The following ANKS1B variants were observed in gnomAD, a reference collection of about 807,000 sequenced individuals.
The protein encoded by ANKS1B is ankyrin repeat and sterile alpha motif domain containing 1B.
A neutral mutation model predicts 148.3 loss-of-function variants in ANKS1B; 36 were observed. The ratio of observed to expected loss-of-function variants is 0.24; its 90% CI spans 0.19 to 0.32. The LOEUF is 0.32. ANKS1B is among the 10% of genes least tolerant of loss of function. The pLI is 1.00. For synonymous variants in ANKS1B, 542 were observed against 560.8 expected, an observed-to-expected ratio of 0.97 and a Z score of 0.47; for missense variants, 1,157 against 1,542.6, an observed-to-expected ratio of 0.75 and a Z score of 4.19.
intron 12 of ANKS1B, among the ~76,000 whole-genome samples, chr12:99,368,760 C>T (rs1011185329): frequency 6.6e-6 from 1 of 151,970 alleles, no homozygotes; most frequent in Non-Finnish European, 1.5e-5. Flanking sequence ...GAGAGACACA[C>T]GACTATCAAA....
intron 9 of ANKS1B, among the ~76,000 whole-genome samples, chr12:99,612,685 T>G (rs2153348622): frequency 1.3e-5 from 2 of 152,272 alleles, no homozygotes; most frequent in Non-Finnish European, 2.9e-5. Flanking sequence ...CTCTTTCATT[T>G]ACAAGTTTGC....
intron 1 of ANKS1B, among the ~76,000 whole-genome samples, chr12:99,862,565 A>T (rs2090176722): frequency 6.6e-6 from 1 of 152,252 alleles, no homozygotes; most frequent in African/African-American, 2.4e-5. Context: ...TATGATGCTG[A>T]TGAGCGCAGC....
chr12:98,900,007 T>C (rs1292011246), intron 17 of ANKS1B, among the ~76,000 whole-genome samples: 2 of 152,146 alleles, frequency 1.3e-5, no homozygotes, highest in African/African-American at 4.8e-5. Context: ...AAAGTGCCAA[T>C]GGGTTGATTA....
intron 17 of ANKS1B, among the ~76,000 whole-genome samples, chr12:98,902,998 A>AT (rs1488304447): frequency 1.3e-5 from 2 of 151,952 alleles, no homozygotes; most frequent in Admixed American, 6.6e-5. Flanking sequence ...AAATGATTTT[A>AT]TTTTTTTCTC....
At chr12:98,895,311 C>T (rs968299627) in intron 17 of ANKS1B, 38 of 985,162 alleles carry the variant, frequency 3.9e-5, no homozygotes, top group Non-Finnish European at 4.2e-5. Context: ...GCTCCTCCGC[C>T]GCCCCCTCCG....
chr12:99,955,874 G>A (rs889293256), intron 1 of ANKS1B, among the ~76,000 whole-genome samples: 4 of 152,076 alleles, frequency 2.6e-5, no homozygotes, highest in African/African-American at 9.7e-5. Context: ...TCTGTAATTA[G>A]ACTAATTACA....
intron 17 of ANKS1B, among the ~76,000 whole-genome samples, chr12:98,882,736 C>T (rs1180377951): frequency 6.9e-6 from 1 of 144,682 alleles, no homozygotes. Context: ...AGCAACTGGG[C>T]AAGTAACTGC....
intron 9 of ANKS1B, among the ~76,000 whole-genome samples, chr12:99,640,731 G>A (rs758480851): frequency 2.0e-5 from 3 of 152,262 alleles, no homozygotes; most frequent in East Asian, 3.9e-4. Flanking sequence ...AAAAATGAAC[G>A]GATGAGTGGG....
chr12:99,565,462 A>G (rs879416143), intron 9 of ANKS1B, among the ~76,000 whole-genome samples: 1 of 152,200 alleles, frequency 6.6e-6, no homozygotes, highest in Non-Finnish European at 1.5e-5. Context: ...ATGGGGGAAA[A>G]TGAAAAGTAA....
intron 12 of ANKS1B, among the ~76,000 whole-genome samples, chr12:99,280,004 CA>C (rs1213390155): frequency 6.6e-6 from 1 of 151,142 alleles, no homozygotes; most frequent in Non-Finnish European, 1.5e-5. Context: ...GACCCTGTCT[CA>C]AAAAAATAAA....
intron 17 of ANKS1B, among the ~76,000 whole-genome samples, chr12:98,957,760 A>C (rs2099864933): frequency 6.6e-6 from 1 of 152,172 alleles, no homozygotes; most frequent in Non-Finnish European, 1.5e-5. Flanking sequence ...CACTTAGATT[A>C]ATATACATAG....
At chr12:98,826,742 G>T (rs971448170) in intron 19 of ANKS1B, among the ~76,000 whole-genome samples, 5 of 152,170 alleles carry the variant, frequency 3.3e-5, no homozygotes, top group African/African-American at 1.2e-4. Flanking sequence ...AGCTTCTTGG[G>T]AGAAACTCCT....
At chr12:99,661,455 A>G (rs1266867816) in intron 8 of ANKS1B, among the ~76,000 whole-genome samples, 1 of 152,194 alleles carries the variant, frequency 6.6e-6, no homozygotes, top group Non-Finnish European at 1.5e-5. Flanking sequence ...TTACAGAAGT[A>G]AATTCTCTTC....
chr12:99,360,761 C>T lies in ANKS1B; in HGVS notation c.1756+38870G>A, dbSNP rs189968981. ...AGCTGAACCTAGTCTGAGCCACTTGCAAACTTGTGGGCAAGAAATAAATCT... is the reference window on the plus strand; with the variant it reads ...AGCTGAACCTAGTCTGAGCCACTTGTAAACTTGTGGGCAAGAAATAAATCT... On this transcript the variant is annotated intron_variant, in intron 12 of 26. Transcript: ENST00000683438. Among the ~76,000 whole-genome samples the T allele has an allele frequency of 1.3e-3, 199 of 152,248 alleles. 1 individual carries two copies. Among genetic ancestry groups the T allele is most frequent in the African/African-American group, 4.1e-3 (169 of 41,556 alleles).
intron 14 of ANKS1B, among the ~76,000 whole-genome samples, chr12:99,164,280 C>A (rs944698044): frequency 6.6e-6 from 1 of 152,102 alleles, no homozygotes; most frequent in Non-Finnish European, 1.5e-5. Flanking sequence ...TAGCCCAGAG[C>A]TGTAATATTT....
chr12:99,060,680 C>CACACACACACACACACAT (rs1249785625), intron 16 of ANKS1B, among the ~76,000 whole-genome samples: 6 of 99,406 alleles, frequency 6.0e-5, no homozygotes, highest in Non-Finnish European at 1.4e-4. Flanking sequence ...CACACACACA[C>CACACACACACACACACAT]ACACACACAC....
intron 17 of ANKS1B, among the ~76,000 whole-genome samples, chr12:98,886,938 G>A (rs1271423747): frequency 6.6e-6 from 1 of 152,190 alleles, no homozygotes; most frequent in East Asian, 1.9e-4. Flanking sequence ...GAATCCATGG[G>A]TCTTTCTCGA....
At chr12:98,762,221 C>G (rs1046458138) in intron 25 of ANKS1B, among the ~76,000 whole-genome samples, 2 of 152,190 alleles carry the variant, frequency 1.3e-5, no homozygotes, top group Non-Finnish European at 2.9e-5. Flanking sequence ...CCAGCTCCAC[C>G]ATGGGCTACC....
chr12:99,886,667 A>G (rs1043929823), intron 1 of ANKS1B, among the ~76,000 whole-genome samples: 3 of 152,146 alleles, frequency 2.0e-5, no homozygotes, highest in African/African-American at 7.2e-5. Flanking sequence ...ACTTTTCCTC[A>G]TTTGTAGTCA....
Sources: gnomAD v4.1 joint callset for allele counts (sites outside exome capture counted in the v4.1 genomes callset) on GRCh38, gnomAD v4.1.1 for gene constraint, MANE v1.5 for transcripts, NCBI Gene and HGNC (gene_info 2026-07-23, HGNC 2026-07-21) for gene names.